Variants in GALNTL6 observed in about 807,000 individuals in gnomAD.
GALNTL6 encodes the protein polypeptide N-acetylgalactosaminyltransferase like 6.
In GALNTL6, 46 loss-of-function variants were observed where a neutral mutation model predicts 73.7. The ratio of observed to expected loss-of-function variants is 0.62; its 90% CI spans 0.49 to 0.80. The LOEUF is 0.80. Ranked by LOEUF, GALNTL6 falls within the 30% of genes least tolerant of loss-of-function variation. The probability of loss-of-function intolerance (pLI) is 0.00; values close to 1 mark genes in which losing one functional copy is unlikely to be tolerated. For synonymous variants in GALNTL6, 259 were observed against 263.7 expected, an observed-to-expected ratio of 0.98 and a Z score of 0.17; for missense variants, 604 against 755.0, an observed-to-expected ratio of 0.80 and a Z score of 2.34.
intron 7 of GALNTL6, among the ~76,000 whole-genome samples, chr4:172,866,765 A>C (rs1744687870): frequency 1.3e-5 from 2 of 152,096 alleles, no homozygotes; most frequent in African/African-American, 4.8e-5. Flanking sequence ...TTCCCTGGCC[A>C]ATTCCCTCTC....
At chr4:172,737,789 G>C (rs1437852) in intron 5 of GALNTL6, among the ~76,000 whole-genome samples, 149,844 of 152,270 alleles carry the variant, frequency 0.98, 73,772 homozygotes, top group East Asian at 1. Flanking sequence ...TTCTTTACTA[G>C]TGGATTGCTG....
intron 5 of GALNTL6, among the ~76,000 whole-genome samples, chr4:172,582,110 C>T (rs1737213955): frequency 6.6e-6 from 1 of 152,120 alleles, no homozygotes; most frequent in Non-Finnish European, 1.5e-5. Flanking sequence ...AAATTTGACC[C>T]AGAAGTGCAC....
chr4:171,977,455 G>T, intron 2 of GALNTL6, among the ~76,000 whole-genome samples: 1 of 152,132 alleles, frequency 6.6e-6, no homozygotes, highest in East Asian at 1.9e-4. Flanking sequence ...AGCAGGATTG[G>T]TTTCTTCTGT....
chr4:172,554,891 T>C lies in GALNTL6; in HGVS notation c.553+206202T>C, dbSNP rs544592235. Among the ~76,000 whole-genome samples, 4 of 152,280 alleles carry C rather than the reference T, an allele frequency of 2.6e-5. No individual in the cohort carries two copies. The South Asian group carries it at 8.3e-4, about 32-fold the overall frequency. ...ATGATCACCATATAATTTCTTTTGG[T>C]GCTTATTTCTGGAATTACTAAAATT... On this transcript the variant is annotated intron_variant, in intron 5 of 12. Transcript: ENST00000506823.
intron 5 of GALNTL6, among the ~76,000 whole-genome samples, chr4:172,741,431 C>A (rs1029546470): frequency 6.6e-6 from 1 of 152,026 alleles, no homozygotes; most frequent in Admixed American, 6.6e-5. Flanking sequence ...TCCTTATTGG[C>A]AAAACCTATC....
At chr4:172,693,563 A>G (rs1733452632) in intron 5 of GALNTL6, among the ~76,000 whole-genome samples, 1 of 152,214 alleles carries the variant, frequency 6.6e-6, no homozygotes, top group Non-Finnish European at 1.5e-5. Flanking sequence ...CTTGGGCCAC[A>G]TATAGACACC....
chr4:172,777,516 T>C (rs1739136142), intron 5 of GALNTL6, among the ~76,000 whole-genome samples: 1 of 152,238 alleles, frequency 6.6e-6, no homozygotes, highest in African/African-American at 2.4e-5. Context: ...GAATTCACTG[T>C]GATCTTAACA....
intron 11 of GALNTL6, among the ~76,000 whole-genome samples, chr4:173,013,649 C>T (rs542493960): frequency 2.1e-5 from 3 of 143,950 alleles, no homozygotes; most frequent in Middle Eastern, 3.6e-3. Flanking sequence ...CAGCACTAGA[C>T]AAGCAGAAAA....
chr4:171,941,450 T>C (rs2111013813), intron 2 of GALNTL6, among the ~76,000 whole-genome samples: 1 of 152,390 alleles, frequency 6.6e-6, no homozygotes, highest in East Asian at 1.9e-4. Flanking sequence ...TTTAATTTTC[T>C]ATAACATGCA....
intron 2 of GALNTL6, among the ~76,000 whole-genome samples, chr4:172,117,065 C>G (rs1026449760): frequency 2.0e-5 from 3 of 152,158 alleles, no homozygotes; most frequent in African/African-American, 7.2e-5. Flanking sequence ...TGCACTGCCA[C>G]TAAACCATTA....
rs187789519 is a variant in GALNTL6, at chr4:172,957,931, G to A, written c.1371+5673G>A. On this transcript the variant is annotated intron_variant, in intron 10 of 12. Transcript: ENST00000506823. ...CCATCAATAAACCAAGTCTGTTCAG[G>A]GTGAGGAACATGAAAGAATATGGGG... Among the ~76,000 whole-genome samples, 249 of 152,236 alleles carry A rather than the reference G, an allele frequency of 1.6e-3. 2 individuals are homozygous for A. The highest frequency in any genetic ancestry group is 6.8e-3 in the Middle Eastern group (2 of 294).
chr4:172,009,068 A>C (rs1353740325), intron 2 of GALNTL6, among the ~76,000 whole-genome samples: 6 of 152,076 alleles, frequency 3.9e-5, no homozygotes, highest in Admixed American at 6.6e-5. Flanking sequence ...ATTATGTTGC[A>C]TTGTTACTAC....
chr4:172,911,541 T>C (rs183075783), intron 8 of GALNTL6, among the ~76,000 whole-genome samples: 20 of 152,220 alleles, frequency 1.3e-4, no homozygotes, highest in African/African-American at 4.8e-4. Flanking sequence ...TGGAATTTTT[T>C]CCTACAGTAT....
At chr4:172,730,509 T>C (rs1736080503) in intron 5 of GALNTL6, among the ~76,000 whole-genome samples, 1 of 152,228 alleles carries the variant, frequency 6.6e-6, no homozygotes, top group South Asian at 2.1e-4. Flanking sequence ...GTTCATTCTG[T>C]TGATGTGATG....
At chr4:173,021,417 T>C in intron 11 of GALNTL6, 59 bp from the exon 12 acceptor site, 8 of 1,573,876 alleles carry the variant, frequency 5.1e-6, no homozygotes, top group Non-Finnish European at 7.0e-6. Context: ...TCCCCCGCCC[T>C]TGCATCTTCT....
chr4:172,326,135 A>G (rs969094446), intron 4 of GALNTL6, among the ~76,000 whole-genome samples: 2 of 152,102 alleles, frequency 1.3e-5, no homozygotes, highest in African/African-American at 4.8e-5. Flanking sequence ...AAATTAGAAA[A>G]TATTTTTAAA....
At chr4:172,832,367 G>T (rs567352027) in intron 7 of GALNTL6, among the ~76,000 whole-genome samples, 5 of 152,252 alleles carry the variant, frequency 3.3e-5, no homozygotes, top group Admixed American at 6.5e-5. Flanking sequence ...GGCATTCAAT[G>T]TGTAGTAGCA....
At chr4:172,034,737 T>G (rs542042547) in intron 2 of GALNTL6, among the ~76,000 whole-genome samples, 1 of 152,130 alleles carries the variant, frequency 6.6e-6, no homozygotes, top group Admixed American at 6.6e-5. Context: ...AAAAAGAGGG[T>G]AGTTGTCTTA....
intron 5 of GALNTL6, among the ~76,000 whole-genome samples, chr4:172,473,848 C>G (rs1489356261): frequency 6.6e-6 from 1 of 152,186 alleles, no homozygotes; most frequent in African/African-American, 2.4e-5. Context: ...AAATCCTCCG[C>G]TAGACTTCAG....
Sources: allele counts gnomAD v4.1 joint callset (sites outside exome capture counted in the v4.1 genomes callset), GRCh38; gene constraint gnomAD v4.1.1; transcripts MANE v1.5; gene names NCBI Gene and HGNC (gene_info 2026-07-23, HGNC 2026-07-21).